ADAMTSL1: variants seen among roughly 807,000 people sequenced by gnomAD.
ADAMTSL1 encodes ADAMTS-like protein 1.
A neutral mutation model predicts 201.8 loss-of-function variants in ADAMTSL1; 126 were observed. That is an observed-to-expected ratio of 0.62 (90% CI 0.54 to 0.72). ADAMTSL1 has a LOEUF of 0.72. Ranked by LOEUF, ADAMTSL1 falls within the 30% of genes least tolerant of loss-of-function variation. The pLI is 0.00. For synonymous variants in ADAMTSL1, 1,121 were observed against 903.4 expected (o/e 1.24, Z -4.32); for missense variants, 2,679 against 2,277.8 (o/e 1.18, Z -3.59).
intron 1 of ADAMTSL1, among the ~76,000 whole-genome samples, chr9:18,058,762 C>G (rs1250738429): frequency 6.6e-6 from 1 of 152,172 alleles, no homozygotes; most frequent in Non-Finnish European, 1.5e-5. Context: ...TATTGTGTCT[C>G]TACACCATTT....
At chr9:18,486,189 A>C (rs1294837027) in intron 1 of ADAMTSL1, among the ~76,000 whole-genome samples, 2 of 152,346 alleles carry the variant, frequency 1.3e-5, no homozygotes, top group Admixed American at 6.5e-5. Flanking sequence ...AAGGCCTCCC[A>C]GTTAAAATTT....
At chr9:18,886,247 C>T (rs1828886847) in intron 23 of ADAMTSL1, among the ~76,000 whole-genome samples, 1 of 125,066 alleles carries the variant, frequency 8.0e-6, no homozygotes, top group South Asian at 2.6e-4. Flanking sequence ...CAAGTATATA[C>T]ATACATACAC....
intron 1 of ADAMTSL1, among the ~76,000 whole-genome samples, chr9:17,963,661 T>G (rs1329915): frequency 0.81 from 123,033 of 152,096 alleles, 50,309 homozygotes; most frequent in East Asian, 0.94. Flanking sequence ...TTTAATACGG[T>G]TCACTTCATT....
At chr9:18,852,840 G>C (rs960463270) in intron 23 of ADAMTSL1, among the ~76,000 whole-genome samples, 4 of 152,162 alleles carry the variant, frequency 2.6e-5, no homozygotes, top group African/African-American at 7.2e-5. Context: ...TTTGTAAACT[G>C]TAAAGTACGC....
chr9:18,347,947 A>C (rs1012667558), intron 2 of ADAMTSL1, among the ~76,000 whole-genome samples: 1 of 152,202 alleles, frequency 6.6e-6, no homozygotes, highest in African/African-American at 2.4e-5. Flanking sequence ...GATTCCAAAA[A>C]CAAGATGAAA....
intron 1 of ADAMTSL1, among the ~76,000 whole-genome samples, chr9:18,020,472 C>G (rs1348462699): frequency 2.0e-5 from 3 of 152,018 alleles, no homozygotes; most frequent in Non-Finnish European, 1.5e-5. Flanking sequence ...TGCCAACAGC[C>G]ATGTGAGTGA....
chr9:18,062,388 G>A (rs1822497222), intron 1 of ADAMTSL1, among the ~76,000 whole-genome samples: 1 of 152,076 alleles, frequency 6.6e-6, no homozygotes, highest in Non-Finnish European at 1.5e-5. Context: ...TTTGAATGCT[G>A]TTGCTAATGT....
At chr9:18,725,502 C>A (rs1003623670) in intron 15 of ADAMTSL1, among the ~76,000 whole-genome samples, 1 of 152,128 alleles carries the variant, frequency 6.6e-6, no homozygotes, top group Non-Finnish European at 1.5e-5. Flanking sequence ...GTCTAAAAGC[C>A]ATATCATCCA....
chr9:18,597,139 G>A (rs1397805924), intron 4 of ADAMTSL1, among the ~76,000 whole-genome samples: 1 of 152,150 alleles, frequency 6.6e-6, no homozygotes, highest in East Asian at 1.9e-4. Context: ...AAATCTCTCT[G>A]TTGGCTATTT....
chr9:18,162,687 G>A (rs2132088908), intron 1 of ADAMTSL1, among the ~76,000 whole-genome samples: 1 of 151,618 alleles, frequency 6.6e-6, no homozygotes, highest in Admixed American at 6.6e-5. Context: ...TTTTCAAGAA[G>A]GTATAAATTA....
At chr9:18,309,766 A>T (rs1834046488) in intron 2 of ADAMTSL1, among the ~76,000 whole-genome samples, 1 of 152,072 alleles carries the variant, frequency 6.6e-6, no homozygotes, top group Non-Finnish European at 1.5e-5. Flanking sequence ...GCCCAAAGTA[A>T]TTTACAGATT....
intron 1 of ADAMTSL1, among the ~76,000 whole-genome samples, chr9:18,063,726 A>T (rs541290819): frequency 4.9e-4 from 75 of 152,264 alleles, no homozygotes; most frequent in African/African-American, 1.6e-3. Context: ...AGTTTTGTTC[A>T]TTTAAACCAA....
At chr9:18,360,282 A>C (rs1295525063) in intron 2 of ADAMTSL1, among the ~76,000 whole-genome samples, 4 of 152,192 alleles carry the variant, frequency 2.6e-5, no homozygotes, top group Admixed American at 6.5e-5. Flanking sequence ...ACTTGAAGAC[A>C]CATGATCTAC....
intron 14 of ADAMTSL1, chr9:18,718,676 C>G (rs917247015): frequency 2.9e-6 from 1 of 345,236 alleles, no homozygotes. Context: ...TGACTCTGGG[C>G]GAGGTTTGGC....
chr9:18,814,062 C>G (rs1421794686), intron 20 of ADAMTSL1, among the ~76,000 whole-genome samples: 2 of 152,082 alleles, frequency 1.3e-5, no homozygotes, highest in Admixed American at 1.3e-4. Context: ...TATTGTCTTT[C>G]TTATAATAGC....
At chr9:18,043,701 T>C (rs1315039428) in intron 1 of ADAMTSL1, among the ~76,000 whole-genome samples, 2 of 152,110 alleles carry the variant, frequency 1.3e-5, no homozygotes, top group Non-Finnish European at 2.9e-5. Flanking sequence ...TGAAAACACA[T>C]TTATAATTTA....
chr9:18,817,205 G>A lies in ADAMTSL1; in HGVS notation c.3902G>A (p.Gly1301Glu), dbSNP rs1292162504. 1.3e-6 allele frequency: 2 copies of A among 1,562,366 alleles called. No homozygotes were observed. Among genetic ancestry groups the A allele is most frequent in the Non-Finnish European group, 1.7e-6 (2 of 1,152,514 alleles). The change falls in exon 21 of 29, where the codon GGA becomes GAA. Residue 1301 changes from glycine to glutamate, a missense_variant. Physicochemically the swap from Gly to Glu is moderately conservative, Grantham distance 98. Transcript: ENST00000380548. ...GGAAGCACCATCAAAACAGTGCAGG[G>A]AGTGAATGTGACAATCAACTGCCAG... ...DIGSTIKTVQ[G>E]VNVTINCQVA...
chr9:18,560,371 G>A (rs1449532184), intron 3 of ADAMTSL1, among the ~76,000 whole-genome samples: 1 of 152,172 alleles, frequency 6.6e-6, no homozygotes, highest in Non-Finnish European at 1.5e-5. Flanking sequence ...CTTGTTCGTG[G>A]TGGATAAGCT....
chr9:18,329,366 A>C (rs2132897426), intron 2 of ADAMTSL1, among the ~76,000 whole-genome samples: 1 of 152,336 alleles, frequency 6.6e-6, no homozygotes, highest in Non-Finnish European at 1.5e-5. Flanking sequence ...CACTCACTCA[A>C]GTATTAAGTT....
Sources: allele counts gnomAD v4.1 joint callset (sites outside exome capture counted in the v4.1 genomes callset), GRCh38; gene constraint gnomAD v4.1.1; transcripts MANE v1.5; gene names NCBI Gene and HGNC (gene_info 2026-07-23, HGNC 2026-07-21).